DTNB: variants seen among roughly 807,000 people sequenced by gnomAD.
The protein encoded by DTNB is DTN-B.
DTNB carries 63 observed loss-of-function variants against 90.7 expected under a neutral mutation model. The observed-to-expected ratio is 0.69, with a 90% CI of 0.57 to 0.86. DTNB has a LOEUF of 0.86. Among genes scored for constraint, DTNB ranks in the 40% least tolerant of loss-of-function variants. The pLI, the probability that DTNB is intolerant of heterozygous loss-of-function variation, is 0.00. For missense variants in DTNB, 744 were observed against 807.1 expected (o/e 0.92, Z 0.95); for synonymous variants, 277 against 286.7 (o/e 0.97, Z 0.34).
chr2:25,380,598 G>A (rs893892592), intron 19 of DTNB, among the ~76,000 whole-genome samples: 2 of 152,232 alleles, frequency 1.3e-5, no homozygotes, highest in African/African-American at 4.8e-5. Context: ...TGCACTGAAA[G>A]ACAGACAAGG....
intron 12 of DTNB, among the ~76,000 whole-genome samples, chr2:25,435,023 A>AT (rs939496574): frequency 4.0e-5 from 6 of 151,772 alleles, no homozygotes; most frequent in Non-Finnish European, 8.8e-5. Context: ...TAATTCAGTA[A>AT]TTTTTTTTCC....
At chr2:25,457,920 G>GCCT (rs1322290595) in intron 10 of DTNB, among the ~76,000 whole-genome samples, 3 of 152,058 alleles carry the variant, frequency 2.0e-5, no homozygotes, top group Non-Finnish European at 4.4e-5. Context: ...TGCAACCTCT[G>GCCT]CCTCCCGGGT....
intron 1 of DTNB, among the ~76,000 whole-genome samples, chr2:25,666,128 T>C (rs1025606504): frequency 2.0e-5 from 3 of 152,224 alleles, no homozygotes; most frequent in African/African-American, 7.2e-5. Flanking sequence ...ATAATGTTAG[T>C]ATACAAAAAT....
rs1395949 is a variant in DTNB, at chr2:25,434,011, C to A, written c.1258-16G>T. On this transcript the variant is annotated splice_polypyrimidine_tract_variant and intron_variant, in intron 12 of 20. Transcript: ENST00000406818. ...GAGGACGAGTCTAAAGTGGGGAAGT[C>A]GGGAGAAAGTTTTTTTTTTTCTGAT... 1.4e-5 allele frequency: 23 copies of A among 1,605,564 alleles called. No individual in the cohort carries two copies. In the East Asian group the frequency reaches 3.3e-4, roughly 23 times the overall value.
At chr2:25,525,167 C>G (rs2076851579) in intron 9 of DTNB, among the ~76,000 whole-genome samples, 1 of 152,072 alleles carries the variant, frequency 6.6e-6, no homozygotes, top group South Asian at 2.1e-4. Context: ...CATTTATATA[C>G]AGTTTTAACA....
In DTNB at chr2:25,546,392, G is replaced by T. The variant is rs111435505; in HGVS notation, c.877-14795C>A. Among the ~76,000 whole-genome samples, 517 of 152,332 alleles carry T rather than the reference G, an allele frequency of 3.4e-3. 2 individuals carry two copies. Among genetic ancestry groups the T allele is most frequent in the African/African-American group, 0.012 (490 of 41,576 alleles). On this transcript the variant is annotated intron_variant, in intron 8 of 20. Coordinates refer to ENST00000406818, the MANE Select transcript of DTNB (RefSeq NM_021907.5). Reference sequence around the variant, plus strand: ...ACTTTTCAGAAAACTGGTAGATTTTGTAAGTTTTCTTTTTTCCCAGAGCCT... The same window carrying T: ...ACTTTTCAGAAAACTGGTAGATTTTTTAAGTTTTCTTTTTTCCCAGAGCCT...
intron 10 of DTNB, among the ~76,000 whole-genome samples, chr2:25,465,045 T>A (rs1256005059): frequency 6.6e-6 from 1 of 152,140 alleles, no homozygotes; most frequent in Admixed American, 6.5e-5. Context: ...TTCTTAGTTG[T>A]GACACATGCA....
At chr2:25,538,161 T>C (rs758421096) in intron 8 of DTNB, among the ~76,000 whole-genome samples, 23 of 152,012 alleles carry the variant, frequency 1.5e-4, no homozygotes, top group Non-Finnish European at 2.4e-4. Flanking sequence ...GGTGGGAGGA[T>C]CACTTGAGGC....
At chr2:25,451,522 T>G in intron 12 of DTNB, 26 bp downstream of exon 12, 1 of 1,585,184 alleles carries the variant, frequency 6.3e-7, no homozygotes, top group Non-Finnish European at 8.6e-7. Context: ...TTTCTGCTAC[T>G]CTCCTGGGAT....
intron 2 of DTNB, among the ~76,000 whole-genome samples, chr2:25,643,739 C>T (rs2078854280): frequency 6.6e-6 from 1 of 152,158 alleles, no homozygotes; most frequent in South Asian, 2.1e-4. Context: ...GGGAGGTGCT[C>T]AGCCAATCTA....
chr2:25,464,575 T>C (rs1456838137), intron 10 of DTNB, among the ~76,000 whole-genome samples: 1 of 151,976 alleles, frequency 6.6e-6, no homozygotes, highest in Non-Finnish European at 1.5e-5. Flanking sequence ...TCCAGGCGAG[T>C]AGAGCTTAAT....
intron 5 of DTNB, among the ~76,000 whole-genome samples, chr2:25,602,426 A>C (rs2066095143): frequency 6.6e-6 from 1 of 152,226 alleles, no homozygotes; most frequent in East Asian, 1.9e-4. Context: ...AGTCACTTCC[A>C]TCTACTGAGG....
Position 25,455,515 on chromosome 2 carries a change from G to C in DTNB, c.1080-21C>G, listed in dbSNP as rs745870581. 4.8e-5 allele frequency: 77 copies of C among 1,589,194 alleles called. 1 individual carries two copies. The highest frequency in any genetic ancestry group is 6.1e-5 in the Non-Finnish European group (71 of 1,166,164). ...GTAACCTAGGAACAATGGAGGCAAA[G>C]ACAGCAAGCGTGACACAAACACATA... On this transcript the variant is annotated intron_variant, in intron 10 of 20. Coordinates refer to ENST00000406818, the MANE Select transcript of DTNB (RefSeq NM_021907.5).
chr2:25,640,269 T>A (rs899034682), intron 2 of DTNB, among the ~76,000 whole-genome samples: 2 of 152,180 alleles, frequency 1.3e-5, no homozygotes, highest in Non-Finnish European at 2.9e-5. Context: ...CACCTATCCT[T>A]CCTTTATAAA....
intron 10 of DTNB, among the ~76,000 whole-genome samples, chr2:25,464,800 A>G (rs1416785343): frequency 6.6e-6 from 1 of 152,186 alleles, no homozygotes; most frequent in African/African-American, 2.4e-5. Flanking sequence ...TCACAGTGTA[A>G]TCATGAGAAA....
In DTNB at chr2:25,455,422, A is replaced by C; in HGVS notation, c.1152T>G (p.Arg384=). The stretch of plus-strand genomic sequence containing the variant: ...CCACTGACCGTGCACAGTGCTGCAG[A>C]CGGGCCACATAGGAGGCTATCAGCG... ...EHALIASYVA[R]LQHCARVLDS... The change falls in exon 11 of 21, where the codon CGT becomes CGG. Residue 384 remains arginine, a synonymous_variant. Coordinates refer to ENST00000406818, the MANE Select transcript of DTNB (RefSeq NM_021907.5). 1.2e-6 allele frequency: 2 copies of C among 1,601,746 alleles called. No individual in the cohort carries two copies. The highest frequency in any genetic ancestry group is 1.7e-6 in the Non-Finnish European group (2 of 1,174,554).
intron 12 of DTNB, among the ~76,000 whole-genome samples, chr2:25,435,384 A>G (rs1428248162): frequency 6.6e-6 from 1 of 152,106 alleles, no homozygotes; most frequent in Non-Finnish European, 1.5e-5. Flanking sequence ...GAAACAGCAT[A>G]CCCATTAAGT....
At chr2:25,451,502 G>A in intron 12 of DTNB, 46 bp downstream of exon 12, 1 of 1,549,074 alleles carries the variant, frequency 6.5e-7, no homozygotes, top group Non-Finnish European at 8.8e-7. Context: ...GCATATTAAA[G>A]TAATGCTAAT....
intron 9 of DTNB, among the ~76,000 whole-genome samples, chr2:25,491,708 G>T (rs941934487): frequency 2.0e-5 from 3 of 151,864 alleles, no homozygotes; most frequent in Non-Finnish European, 2.9e-5. Flanking sequence ...TGCTTGGTCT[G>T]TTATTTTTTT....
Sources: allele counts gnomAD v4.1 joint callset (sites outside exome capture counted in the v4.1 genomes callset), GRCh38; gene constraint gnomAD v4.1.1; transcripts MANE v1.5; gene names NCBI Gene and HGNC (gene_info 2026-07-23, HGNC 2026-07-21).